The following MAF variants were observed in gnomAD, a reference collection of about 807,000 sequenced individuals.
MAF encodes the protein transcription factor Maf.
Under a neutral mutation model 22.0 loss-of-function variants are expected in MAF, and 10 were observed. That is an observed-to-expected ratio of 0.45 (90% CI 0.28 to 0.77). The LOEUF (loss-of-function observed/expected upper bound fraction) is 0.77. MAF is among the 30% of genes least tolerant of loss of function. The pLI, the probability that MAF is intolerant of heterozygous loss-of-function variation, is 0.12. For synonymous variants in MAF, 337 were observed against 255.8 expected (o/e 1.32, Z -3.03); for missense variants, 544 against 548.4 (o/e 0.99, Z 0.08).
the MAF span, among the ~76,000 whole-genome samples, chr16:79,340,260 G>A: frequency 6.6e-6 from 1 of 151,862 alleles, no homozygotes; most frequent in Non-Finnish European, 1.5e-5. Flanking sequence ...ACCTCTTCCT[G>A]CCTGCCTTCA....
chr16:79,545,780 A>G, the MAF span, among the ~76,000 whole-genome samples: 1 of 152,182 alleles, frequency 6.6e-6, no homozygotes, highest in South Asian at 2.1e-4. Flanking sequence ...TTCAAAGGAC[A>G]TAAAATTTCA....
the MAF span, among the ~76,000 whole-genome samples, chr16:79,335,165 C>T: frequency 7.5e-6 from 1 of 132,564 alleles, no homozygotes; most frequent in African/African-American, 2.9e-5. Context: ...AGCCTGGCGA[C>T]AGAGCGAGAC....
the MAF span, among the ~76,000 whole-genome samples, chr16:79,419,895 G>C: frequency 3.8e-3 from 568 of 147,840 alleles, 6 homozygotes; most frequent in African/African-American, 0.014. Context: ...ATGATCCAAG[G>C]CATTTTAAAT....
At chr16:79,216,867 C>T in the MAF span, among the ~76,000 whole-genome samples, 8 of 150,232 alleles carry the variant, frequency 5.3e-5, no homozygotes, top group South Asian at 2.1e-4. Flanking sequence ...TGGAGTGCAG[C>T]GGCACGATCT....
the MAF span, among the ~76,000 whole-genome samples, chr16:79,285,017 C>T: frequency 1.3e-5 from 2 of 152,300 alleles, no homozygotes; most frequent in African/African-American, 4.8e-5. Flanking sequence ...TGCAAATTTG[C>T]CAACCAAACT....
the MAF span, among the ~76,000 whole-genome samples, chr16:79,577,614 C>T: frequency 3.9e-5 from 6 of 152,168 alleles, no homozygotes; most frequent in Admixed American, 2.0e-4. Context: ...TCACTGTCTT[C>T]TGCTCCACGG....
the MAF span, among the ~76,000 whole-genome samples, chr16:79,279,803 C>A: frequency 2.6e-5 from 4 of 152,038 alleles, no homozygotes; most frequent in South Asian, 4.2e-4. Context: ...TTTTTAACAA[C>A]CTGCTTATTG....
chr16:79,373,555 G>C, the MAF span, among the ~76,000 whole-genome samples: 2 of 151,572 alleles, frequency 1.3e-5, no homozygotes, highest in East Asian at 2.0e-4. Context: ...GGTAACTTTT[G>C]TATTTTTAGT....
the MAF span, among the ~76,000 whole-genome samples, chr16:79,250,575 G>C: frequency 6.6e-6 from 1 of 152,172 alleles, no homozygotes; most frequent in Admixed American, 6.5e-5. Flanking sequence ...TCCTTGTTCT[G>C]GTGCTTGGGG....
the MAF span, among the ~76,000 whole-genome samples, chr16:79,292,965 G>A: frequency 2.0e-5 from 3 of 152,162 alleles, no homozygotes; most frequent in Admixed American, 2.0e-4. Flanking sequence ...AGTTCTGGGA[G>A]TTGCCCACCC....
chr16:79,598,253 A>G, intron 1 of MAF: 1 of 1,057,998 alleles, frequency 9.5e-7, no homozygotes, highest in South Asian at 4.4e-5. Context: ...AGCAAGCTCT[A>G]AAAGTAAAAT....
At chr16:79,467,911 G>A in the MAF span, among the ~76,000 whole-genome samples, 3 of 151,422 alleles carry the variant, frequency 2.0e-5, no homozygotes, top group African/African-American at 2.4e-5. Flanking sequence ...TCTCAAGTAA[G>A]TGCATGATGC....
At chr16:79,435,929 G>C in the MAF span, among the ~76,000 whole-genome samples, 145 of 152,258 alleles carry the variant, frequency 9.5e-4, no homozygotes, top group African/African-American at 3.2e-3. Flanking sequence ...CTGCTCTTTG[G>C]AAAATTCATT....
At chr16:79,274,524 C>T in the MAF span, among the ~76,000 whole-genome samples, 146 of 152,212 alleles carry the variant, frequency 9.6e-4, no homozygotes, top group Non-Finnish European at 1.4e-3. Context: ...CATGGACTTT[C>T]GGGTCCTCAG....
the MAF span, among the ~76,000 whole-genome samples, chr16:79,530,588 T>C: frequency 6.6e-6 from 1 of 152,196 alleles, no homozygotes; most frequent in South Asian, 2.1e-4. Context: ...TGAATATATA[T>C]ATTTGTGCCT....
chr16:79,487,210 A>G, the MAF span, among the ~76,000 whole-genome samples: 1 of 151,478 alleles, frequency 6.6e-6, no homozygotes, highest in Non-Finnish European at 1.5e-5. Context: ...CTAGTGCAAA[A>G]AAAAAAAAAA....
At chr16:79,501,907 C>A in the MAF span, among the ~76,000 whole-genome samples, 1 of 152,098 alleles carries the variant, frequency 6.6e-6, no homozygotes, top group Non-Finnish European at 1.5e-5. Flanking sequence ...ATTTTTCCCC[C>A]GCCAGCGGCT....
At chr16:79,556,076 T>G in the MAF span, among the ~76,000 whole-genome samples, 1 of 152,306 alleles carries the variant, frequency 6.6e-6, no homozygotes, top group South Asian at 2.1e-4. Context: ...ATATATTTAG[T>G]TGTAATTTTA....
the MAF span, among the ~76,000 whole-genome samples, chr16:79,400,845 T>C: frequency 6.6e-6 from 1 of 152,342 alleles, no homozygotes; most frequent in East Asian, 1.9e-4. Flanking sequence ...GAATGAATGT[T>C]GAGAAATGGC....
Sources: allele counts gnomAD v4.1 joint callset (sites outside exome capture counted in the v4.1 genomes callset), GRCh38; gene constraint gnomAD v4.1.1; transcripts MANE v1.5; gene names NCBI Gene and HGNC (gene_info 2026-07-23, HGNC 2026-07-21).